EGF: variants seen among roughly 807,000 people sequenced by gnomAD.
EGF encodes the protein pro-epidermal growth factor.
In EGF, 95 loss-of-function variants were observed where a neutral mutation model predicts 143.8. The observed-to-expected ratio is 0.66, with a 90% confidence interval of 0.56 to 0.78. EGF has a LOEUF of 0.78. Ranked by LOEUF, EGF falls within the 30% of genes least tolerant of loss-of-function variation. EGF has a pLI of 0.00. For synonymous variants in EGF, 510 were observed against 510.5 expected, an observed-to-expected ratio of 1.00 and a Z score of 0.01; for missense variants, 1,320 against 1,470.9, an observed-to-expected ratio of 0.90 and a Z score of 1.68.
intron 5 of EGF, among the ~76,000 whole-genome samples, chr4:109,955,891 G>GT (rs1744714302): frequency 6.6e-6 from 1 of 152,130 alleles, no homozygotes; most frequent in Non-Finnish European, 1.5e-5. Context: ...CATAATTGTG[G>GT]TGGTGACAAT....
rs961666008 is a variant in EGF, at chr4:109,980,614, C to T, written c.2222-212C>T. On this transcript the variant is annotated intron_variant, in intron 14 of 23. Transcript: ENST00000265171. The stretch of plus-strand genomic sequence containing the variant: ...AAAAAAGTGCTGGCTATACCCAGTA[C>T]TAATAAGGTAATAACATTCTGGGCT... The T allele has an allele frequency of 5.2e-6, 3 of 576,050 alleles. No individual in the cohort carries two copies. The African/African-American group carries it at 5.7e-5, about 11-fold the overall frequency. 35.7% of individuals were successfully genotyped at this position (576,050 alleles called of 1,614,324 possible).
At chr4:109,967,484 T>C (rs568923790) in intron 10 of EGF, among the ~76,000 whole-genome samples, 1 of 152,328 alleles carries the variant, frequency 6.6e-6, no homozygotes, top group East Asian at 1.9e-4. Flanking sequence ...CCTTCAGCTT[T>C]ATTTCTTTTT....
chr4:109,951,146 A>AAAGATAAAAT (rs1743826178), intron 5 of EGF, among the ~76,000 whole-genome samples: 1 of 132,930 alleles, frequency 7.5e-6, no homozygotes, highest in African/African-American at 2.9e-5. Context: ...GTCTCTACTA[A>AAAGATAAAAT]AAAATAAAAT....
intron 5 of EGF, among the ~76,000 whole-genome samples, chr4:109,955,824 T>C (rs1235041365): frequency 6.6e-6 from 1 of 152,164 alleles, no homozygotes; most frequent in Non-Finnish European, 1.5e-5. Flanking sequence ...ACTATAAATG[T>C]GAATAGGGCA....
chr4:109,917,772 C>T (rs1736958737), intron 1 of EGF, among the ~76,000 whole-genome samples: 1 of 152,024 alleles, frequency 6.6e-6, no homozygotes, highest in African/African-American at 2.4e-5. Context: ...AGGCATATGC[C>T]ACCACACCTG....
intron 1 of EGF, among the ~76,000 whole-genome samples, chr4:109,916,621 A>AT (rs912458603): frequency 7.3e-5 from 11 of 150,296 alleles, no homozygotes; most frequent in Non-Finnish European, 8.9e-5. Flanking sequence ...TCTAGGCCTT[A>AT]TTTTTTTTTA....
chr4:109,927,962 G>A (rs921453679), intron 1 of EGF, among the ~76,000 whole-genome samples: 3 of 151,950 alleles, frequency 2.0e-5, no homozygotes, highest in Non-Finnish European at 2.9e-5. Flanking sequence ...GCTGAGGGGT[G>A]TTTAAACTTA....
At chr4:109,916,806 G>A (rs1281981438) in intron 1 of EGF, among the ~76,000 whole-genome samples, 3 of 152,066 alleles carry the variant, frequency 2.0e-5, no homozygotes, top group Non-Finnish European at 4.4e-5. Flanking sequence ...ATGTGGCTTG[G>A]TTTCGCCTAT....
In EGF at chr4:109,951,550, G is replaced by A. The variant is rs567053504; in HGVS notation, c.940+6275G>A. 3.9e-5 allele frequency among the ~76,000 whole-genome samples: 6 copies of A among 152,292 alleles called. No homozygotes were observed. In the East Asian group the frequency reaches 5.8e-4, roughly 15 times the overall value. On this transcript the variant is annotated intron_variant, in intron 5 of 23. Transcript: ENST00000265171. ...TACATGCAGCTTCTTGGCTCACAGA[G>A]ATGCCATAATTATTGCATGGGTACA...
rs1477430252 is a variant in EGF at position 109,940,929 on chromosome 4, T to C, written c.128-17T>C. The C allele has an allele frequency of 6.2e-7, 1 of 1,612,558 alleles. No homozygotes were observed. Among genetic ancestry groups the C allele is most frequent in the African/African-American group, 1.3e-5 (1 of 75,028 alleles). ...AATATTAAAAGTATACAGTTTGGTC[T>C]CTTTCTTCCCACCCAGGTCCTGCAC... is the stretch of plus-strand genomic sequence containing the variant. On this transcript the variant is annotated splice_polypyrimidine_tract_variant and intron_variant, in intron 1 of 23. Coordinates refer to ENST00000265171, the MANE Select transcript of EGF (RefSeq NM_001963.6).
At chr4:109,926,994 T>C (rs1016620092) in intron 1 of EGF, among the ~76,000 whole-genome samples, 2 of 152,240 alleles carry the variant, frequency 1.3e-5, no homozygotes, top group Non-Finnish European at 2.9e-5. Context: ...CTTTCTAAGC[T>C]ATTTTAAAAA....
intron 11 of EGF, among the ~76,000 whole-genome samples, chr4:109,969,447 C>G (rs1025751417): frequency 2.3e-4 from 35 of 152,040 alleles, no homozygotes; most frequent in Middle Eastern, 6.8e-3. Flanking sequence ...ACACTGGGGC[C>G]TTTTGGAGGG....
chr4:110,002,777 A>G (rs978208190), intron 21 of EGF, among the ~76,000 whole-genome samples: 1 of 152,046 alleles, frequency 6.6e-6, no homozygotes, highest in Non-Finnish European at 1.5e-5. Context: ...TAAGCCCAGT[A>G]CCCAACGGTT....
chr4:109,959,303 C>T lies in EGF; in HGVS notation c.941-9C>T. On this transcript the variant is annotated splice_polypyrimidine_tract_variant and intron_variant, in intron 5 of 23. Transcript: ENST00000265171. Reference sequence around the variant, plus strand: ...GGCCCCACTCCAAATAAAGCATCTTCTCTTTTAGAGCAGAAACTTTGCAAA... The same window carrying T: ...GGCCCCACTCCAAATAAAGCATCTTTTCTTTTAGAGCAGAAACTTTGCAAA... 6.2e-7 allele frequency: 1 copy of T among 1,613,846 alleles called. No homozygotes were observed. Among genetic ancestry groups the T allele is most frequent in the South Asian group, 1.1e-5 (1 of 91,080 alleles).
chr4:109,993,209 C>T, intron 18 of EGF, 38 bp from the exon 19 acceptor site: 1 of 1,611,710 alleles, frequency 6.2e-7, no homozygotes, highest in Non-Finnish European at 8.5e-7. Context: ...TTTTTCTGTA[C>T]CCCACTTTTC....
chr4:109,930,008 C>T (rs1739404693), intron 1 of EGF, among the ~76,000 whole-genome samples: 1 of 152,172 alleles, frequency 6.6e-6, no homozygotes, highest in African/African-American at 2.4e-5. Flanking sequence ...TGAGTGAGTT[C>T]TCACGAGATC....
intron 5 of EGF, among the ~76,000 whole-genome samples, chr4:109,946,084 C>T (rs759318095): frequency 2.6e-5 from 4 of 152,152 alleles, no homozygotes; most frequent in Non-Finnish European, 4.4e-5. Flanking sequence ...ACTGTCTCAC[C>T]CCCAGTTTCT....
At chr4:109,984,246 C>CA (rs35632667) in intron 16 of EGF, among the ~76,000 whole-genome samples, 20,492 of 136,732 alleles carry the variant, frequency 0.15, 1,941 homozygotes, top group African/African-American at 0.28. Context: ...ATGTATGTGG[C>CA]AAAAAAAAAA....
At chr4:110,009,448 T>C (rs1312458807) in intron 23 of EGF, among the ~76,000 whole-genome samples, 2 of 152,356 alleles carry the variant, frequency 1.3e-5, no homozygotes, top group Middle Eastern at 3.4e-3. Flanking sequence ...GCACATATAA[T>C]GTAATTTTGC....
Sources: gnomAD v4.1 joint callset for allele counts (sites outside exome capture counted in the v4.1 genomes callset) on GRCh38, gnomAD v4.1.1 for gene constraint, MANE v1.5 for transcripts, NCBI Gene and HGNC (gene_info 2026-07-23, HGNC 2026-07-21) for gene names.